PLB1: variants seen among roughly 807,000 people sequenced by gnomAD.
PLB1 encodes phospholipase B1, also known as phospholipase B1, membrane-associated.
PLB1 carries 242 observed loss-of-function variants against 227.4 expected under a neutral mutation model. The ratio of observed to expected loss-of-function variants is 1.06; its 90% CI spans 0.96 to 1.18. The LOEUF (loss-of-function observed/expected upper bound fraction) is 1.18, where lower values mean the gene tolerates loss of function less well. Ranked by LOEUF, PLB1 falls within the 50% of genes most tolerant of loss-of-function variation. The pLI, the probability that PLB1 is intolerant of heterozygous loss-of-function variation, is 0.00. For synonymous variants in PLB1, 757 were observed against 682.2 expected (o/e 1.11, Z -1.71); for missense variants, 1,858 against 1,816.3 (o/e 1.02, Z -0.42).
chr2:28,621,096 G>T (rs1686995228), intron 49 of PLB1, 118 bp downstream of exon 49: 4 of 777,544 alleles, frequency 5.1e-6, no homozygotes, highest in Non-Finnish European at 8.4e-6. Flanking sequence ...TAGCAGCTGT[G>T]CAGGACTTTC....
At chr2:28,548,474 G>A (rs1192156633) in intron 14 of PLB1, 1 of 448,238 alleles carries the variant, frequency 2.2e-6, no homozygotes, top group Non-Finnish European at 4.7e-6. Flanking sequence ...TGTTTGGTTG[G>A]ATGCAGGACA....
intron 8 of PLB1, among the ~76,000 whole-genome samples, chr2:28,531,620 T>G (rs887426085): frequency 6.6e-6 from 1 of 152,218 alleles, no homozygotes; most frequent in African/African-American, 2.4e-5. Flanking sequence ...CAGAGATACT[T>G]TTTATAACCT....
At chr2:28,519,651 G>A (rs1314855179) in intron 3 of PLB1, 54 bp from the exon 4 acceptor site, 24 of 1,375,108 alleles carry the variant, frequency 1.7e-5, no homozygotes, top group Admixed American at 5.2e-5. Context: ...ATCCTTGGCC[G>A]ACATCATGGG....
At chr2:28,543,996 T>G (rs1253324638) in intron 14 of PLB1, among the ~76,000 whole-genome samples, 1 of 152,236 alleles carries the variant, frequency 6.6e-6, no homozygotes, top group African/African-American at 2.4e-5. Flanking sequence ...GCCATTTATT[T>G]TCTTCCCACC....
intron 24 of PLB1, 94 bp downstream of exon 24, chr2:28,582,227 C>G: frequency 6.9e-7 from 1 of 1,442,622 alleles, no homozygotes; most frequent in Non-Finnish European, 9.7e-7. Context: ...TGGCAGGTCA[C>G]CTTTGTTGTG....
At chr2:28,632,186 C>A in intron 55 of PLB1, 46 bp downstream of exon 55, 2 of 1,429,570 alleles carry the variant, frequency 1.4e-6, no homozygotes, top group Non-Finnish European at 2.0e-6. Flanking sequence ...GGGGCCTTAT[C>A]ACAGACGATG....
At chr2:28,608,595 A>G (rs926119407) in intron 43 of PLB1, among the ~76,000 whole-genome samples, 2 of 152,144 alleles carry the variant, frequency 1.3e-5, no homozygotes, top group African/African-American at 4.8e-5. Context: ...TTTACAGACA[A>G]CTTTTGACTA....
chr2:28,605,172 C>G (rs1343241886), intron 41 of PLB1, among the ~76,000 whole-genome samples: 1 of 152,222 alleles, frequency 6.6e-6, no homozygotes, highest in South Asian at 2.1e-4. Context: ...CGTGGTCTCT[C>G]TCGTGTGCAA....
chr2:28,643,456 G>A lies in PLB1; in HGVS notation c.*395G>A, dbSNP rs1243810321. The A allele has an allele frequency of 1.2e-5, 2 of 170,728 alleles. No individual in the cohort carries two copies. The highest frequency in any genetic ancestry group is 2.5e-5 in the Non-Finnish European group (2 of 80,182). 10.6% of individuals were successfully genotyped at this position (170,728 alleles called of 1,614,324 possible). Reference sequence around the variant, plus strand: ...CCACTATTTCAAAGGCAGAAAAAATGCTGGTCACCAGGTGGTGGCTGGAAT... The same window carrying A: ...CCACTATTTCAAAGGCAGAAAAAATACTGGTCACCAGGTGGTGGCTGGAAT... On this transcript the variant is annotated 3_prime_UTR_variant, in exon 58 of 58. Transcript: ENST00000327757.
At position 28,526,332 on chromosome 2, in the gene PLB1, G is replaced by A. The variant is rs141206362; in HGVS notation, c.325+387G>A. Among the ~76,000 whole-genome samples, 44 of 152,098 alleles carry A rather than the reference G, an allele frequency of 2.9e-4. 1 individual carries two copies. Among genetic ancestry groups the A allele is most frequent in the African/African-American group, 1.0e-3 (43 of 41,496 alleles). On this transcript the variant is annotated intron_variant, in intron 6 of 57. Coordinates refer to ENST00000327757, the MANE Select transcript of PLB1 (RefSeq NM_153021.5). ...GTGGTTCACTCCTCCCACCCAAGGG[G>A]AGGACCCAGCCGAATTTCCAGTCTA...
chr2:28,599,950 CTAG>C (rs1364994829), intron 35 of PLB1, among the ~76,000 whole-genome samples: 32 of 152,228 alleles, frequency 2.1e-4, no homozygotes. Flanking sequence ...ACTCTGTCAC[CTAG>C]GCTGAGTGCT....
intron 22 of PLB1, 129 bp downstream of exon 22, chr2:28,578,287 T>G (rs1679338676): frequency 5.9e-6 from 5 of 846,188 alleles, no homozygotes; most frequent in East Asian, 2.6e-5. Flanking sequence ...AAAACACTGC[T>G]TCTCTGGAAA....
rs754909804 is a variant in PLB1 at position 28,543,217 on chromosome 2, C to T, written c.885C>T (p.Asp295=). The part of the protein sequence containing the change: ...YETTPSLHSE[D]PRLQDSTTLA... Reference sequence around the variant, plus strand: ...GTCAACTGGTTCTCTTTTAGGAGGACCCCCGACTCCAGGATTCTACCACGC... The same window carrying T: ...GTCAACTGGTTCTCTTTTAGGAGGATCCCCGACTCCAGGATTCTACCACGC... The change falls in exon 14 of 58, where the codon GAC becomes GAT. Residue 295 remains aspartate, a synonymous_variant. Transcript: ENST00000327757. 10 of 1,610,082 alleles carry T rather than the reference C, an allele frequency of 6.2e-6. No homozygotes were observed. The highest frequency in any genetic ancestry group is 8.5e-6 in the Non-Finnish European group (10 of 1,178,420).
intron 1 of PLB1, among the ~76,000 whole-genome samples, chr2:28,501,600 C>T (rs1463517932): frequency 6.6e-6 from 1 of 152,068 alleles, no homozygotes; most frequent in Non-Finnish European, 1.5e-5. Flanking sequence ...AGGTCCCATC[C>T]CCTTCCCCTA....
chr2:28,630,009 C>G (rs1688374354), intron 53 of PLB1, among the ~76,000 whole-genome samples: 1 of 152,162 alleles, frequency 6.6e-6, no homozygotes, highest in Non-Finnish European at 1.5e-5. Context: ...TGCTCTCTCG[C>G]AGGGAACGGC....
At chr2:28,622,786 T>A (rs1687215391) in intron 49 of PLB1, among the ~76,000 whole-genome samples, 1 of 152,196 alleles carries the variant, frequency 6.6e-6, no homozygotes, top group African/African-American at 2.4e-5. Context: ...CTCGGGAGGC[T>A]GAGGCAGGAG....
At chr2:28,581,489 ATAAAT>A (rs1382451556) in intron 23 of PLB1, among the ~76,000 whole-genome samples, 2 of 60,528 alleles carry the variant, frequency 3.3e-5, no homozygotes, top group Non-Finnish European at 4.4e-5. Flanking sequence ...ACGCAAAAAA[ATAAAT>A]AAATAAATAA....
At chr2:28,618,053 G>C (rs1195654444) in intron 45 of PLB1, among the ~76,000 whole-genome samples, 1 of 152,146 alleles carries the variant, frequency 6.6e-6, no homozygotes, top group Non-Finnish European at 1.5e-5. Context: ...TAGAGTCAGG[G>C]ATTGGGATCT....
At chr2:28,516,975 C>T in intron 2 of PLB1, 106 bp downstream of exon 2, 2 of 1,129,056 alleles carry the variant, frequency 1.8e-6, no homozygotes, top group South Asian at 2.7e-5. Context: ...AGGCCCCTTC[C>T]TGAGGCCTTG....
Sources: allele counts gnomAD v4.1 joint callset (sites outside exome capture counted in the v4.1 genomes callset), GRCh38; gene constraint gnomAD v4.1.1; transcripts MANE v1.5; gene names NCBI Gene and HGNC (gene_info 2026-07-23, HGNC 2026-07-21).